The following POLA1 variants were observed in gnomAD, a reference collection of about 807,000 sequenced individuals.
POLA1 encodes the protein DNA polymerase alpha catalytic subunit.
In POLA1, 15 loss-of-function variants were observed where a neutral mutation model predicts 124.0. That is an observed-to-expected ratio of 0.12 (90% CI 0.08 to 0.19). POLA1 has a LOEUF of 0.19. Among genes scored for constraint, POLA1 ranks in the 10% least tolerant of loss-of-function variants. POLA1 has a pLI of 1.00. For missense variants in POLA1, 886 were observed against 1,103.4 expected, an observed-to-expected ratio of 0.80 and a Z score of 2.79; for synonymous variants, 408 against 389.4, an observed-to-expected ratio of 1.05 and a Z score of -0.56.
At chrX:24,754,404 C>T (rs184532688) in intron 26 of POLA1, among the ~76,000 whole-genome samples, 7 of 109,133 alleles carry the variant, frequency 6.4e-5, no homozygotes, top group Admixed American at 3.9e-4. Context: ...ATTACAGGCA[C>T]GTGCCACCAC....
chrX:24,992,894 T>C, intron 36 of POLA1, among the ~76,000 whole-genome samples: 1 of 112,676 alleles, frequency 8.9e-6, no homozygotes, highest in East Asian at 2.8e-4. Context: ...CTTTCATTAT[T>C]TTGAGGTTTT....
chrX:24,878,108 C>T (rs773790527), intron 34 of POLA1, among the ~76,000 whole-genome samples: 1 of 110,723 alleles, frequency 9.0e-6, no homozygotes, highest in African/African-American at 3.3e-5. Context: ...ACTATTCAAA[C>T]GGCCCTTCGA....
chrX:24,737,804 A>G (rs1414721656), intron 19 of POLA1, 63 bp downstream of exon 19: 3 of 504,377 alleles, frequency 5.9e-6, no homozygotes, highest in Non-Finnish European at 1.0e-5. Context: ...CTACCAAGGA[A>G]CACACTATAC....
At chrX:24,896,457 T>G (rs189916979) in intron 35 of POLA1, among the ~76,000 whole-genome samples, 5 of 109,662 alleles carry the variant, frequency 4.6e-5, no homozygotes, top group East Asian at 2.8e-4. Context: ...TGGTTTTTGG[T>G]TTTTGGGTTT....
chrX:24,890,202 C>G (rs373841976), intron 35 of POLA1, among the ~76,000 whole-genome samples: 85 of 108,542 alleles, frequency 7.8e-4, no homozygotes, highest in African/African-American at 2.8e-3. Context: ...ATTCTCCTGC[C>G]TTCGCCTCCC....
intron 18 of POLA1, among the ~76,000 whole-genome samples, chrX:24,737,097 A>G (rs1351385064): frequency 9.0e-6 from 1 of 111,565 alleles, no homozygotes; most frequent in Non-Finnish European, 1.9e-5. Flanking sequence ...ATTTAGTGGT[A>G]TTATATATTT....
At chrX:24,894,748 C>T (rs186318463) in intron 35 of POLA1, among the ~76,000 whole-genome samples, 1 of 110,600 alleles carries the variant, frequency 9.0e-6, no homozygotes, top group African/African-American at 3.3e-5. Context: ...AATGTGATTT[C>T]CTGTACCAAT....
At chrX:24,772,706 T>A in intron 26 of POLA1, among the ~76,000 whole-genome samples, 1 of 111,971 alleles carries the variant, frequency 8.9e-6, no homozygotes, top group Middle Eastern at 4.6e-3. Context: ...TCCATGTTCC[T>A]GCAATGGACA....
chrX:24,913,012 T>C (rs893050416), intron 35 of POLA1, among the ~76,000 whole-genome samples: 3 of 112,118 alleles, frequency 2.7e-5, no homozygotes, highest in Non-Finnish European at 5.6e-5. Flanking sequence ...CCTGTGTATT[T>C]ACCCTAAAGA....
chrX:24,855,909 C>G (rs1261440824), intron 34 of POLA1, among the ~76,000 whole-genome samples: 2 of 111,752 alleles, frequency 1.8e-5, no homozygotes, highest in East Asian at 5.6e-4. Context: ...ATAAGTTGAC[C>G]CACACAGTTC....
intron 34 of POLA1, among the ~76,000 whole-genome samples, chrX:24,887,657 T>C (rs1475118030): frequency 1.8e-5 from 2 of 111,603 alleles, no homozygotes; most frequent in African/African-American, 6.5e-5. Flanking sequence ...TCTTTGGTAA[T>C]GGTCTTTACT....
At chrX:24,866,957 A>T (rs1391639255) in intron 34 of POLA1, among the ~76,000 whole-genome samples, 1 of 111,948 alleles carries the variant, frequency 8.9e-6, no homozygotes, top group Non-Finnish European at 1.9e-5. Flanking sequence ...TAATTTCTTC[A>T]TTTGAGGTAA....
intron 35 of POLA1, among the ~76,000 whole-genome samples, chrX:24,901,158 GT>G (rs1309054837): frequency 1.8e-5 from 2 of 111,634 alleles, no homozygotes; most frequent in African/African-American, 6.5e-5. Context: ...GACATGGCAG[GT>G]AGTGACAAAG....
In POLA1 at chrX:24,737,808, A is replaced by C. The variant is rs1931370049; in HGVS notation, c.2040+67A>C. On this transcript the variant is annotated intron_variant, in intron 19 of 36. Transcript: ENST00000379068. ...ATTTGGGATAGCTACCAAGGAACAC[A>C]CTATACTTTTTAAAACAGGAATTGG... 3 of 495,257 alleles carry C rather than the reference A, an allele frequency of 6.1e-6. No homozygotes were observed. In the South Asian group the frequency reaches 1.2e-4, roughly 20 times the overall value. The allele number at this position is 495,257 out of a possible 1,213,427, so 40.8% of individuals were successfully genotyped here.
intron 23 of POLA1, among the ~76,000 whole-genome samples, 175 bp from the exon 24 acceptor site, chrX:24,745,243 A>G (rs770853546): frequency 9.0e-5 from 10 of 110,996 alleles, no homozygotes; most frequent in Non-Finnish European, 1.9e-4. Flanking sequence ...ACTAATCCGC[A>G]TCATTTTATG....
chrX:24,865,994 C>T (rs1203049063), intron 34 of POLA1, among the ~76,000 whole-genome samples: 1 of 111,614 alleles, frequency 9.0e-6, no homozygotes, highest in Non-Finnish European at 1.9e-5. Flanking sequence ...TTTTAGGTAT[C>T]TGGGGTTTCT....
chrX:24,876,253 T>C (rs2046929975), intron 34 of POLA1, among the ~76,000 whole-genome samples: 1 of 112,202 alleles, frequency 8.9e-6, no homozygotes, highest in African/African-American at 3.2e-5. Context: ...TTCGGGACAG[T>C]ACTACAGTTA....
At chrX:24,814,005 A>G (rs752434783) in intron 29 of POLA1, among the ~76,000 whole-genome samples, 26 of 111,523 alleles carry the variant, frequency 2.3e-4, no homozygotes, top group Non-Finnish European at 3.4e-4. Context: ...GAGATTGAAC[A>G]ATTATTGCTT....
rs6629920 is a variant in POLA1, at chrX:24,811,727, T to C, written c.3090+927T>C. On this transcript the variant is annotated intron_variant, in intron 28 of 36. Transcript: ENST00000379068. ...GTTATATGTTTAAGATGTGTTCACG[T>C]TAGTACTTACTACATTGTGATTCAT... 4.1e-3 allele frequency among the ~76,000 whole-genome samples: 460 copies of C among 110,934 alleles called. 22 individuals carry two copies. In the East Asian group the frequency reaches 0.11, roughly 26 times the overall value.
Sources: allele counts gnomAD v4.1 joint callset (sites outside exome capture counted in the v4.1 genomes callset), GRCh38; gene constraint gnomAD v4.1.1; transcripts MANE v1.5; gene names NCBI Gene and HGNC (gene_info 2026-07-23, HGNC 2026-07-21).